PLPPR1: variants seen among roughly 807,000 people sequenced by gnomAD.
The protein encoded by PLPPR1 is phospholipid phosphatase-related protein type 1.
Under a neutral mutation model 33.1 loss-of-function variants are expected in PLPPR1, and 10 were observed. The ratio of observed to expected loss-of-function variants is 0.30; its 90% confidence interval spans 0.19 to 0.51. The LOEUF is 0.51. PLPPR1 is among the 20% of genes least tolerant of loss of function. The pLI is 0.97. For synonymous variants in PLPPR1, 151 were observed against 151.0 expected, an observed-to-expected ratio of 1.00 and a Z score of 0.00; for missense variants, 304 against 408.1, an observed-to-expected ratio of 0.74 and a Z score of 2.20.
chr9:101,310,606 GGC>G (rs1381376315), intron 5 of PLPPR1, among the ~76,000 whole-genome samples: 5 of 152,156 alleles, frequency 3.3e-5, no homozygotes, highest in African/African-American at 1.2e-4. Flanking sequence ...GTGGAAAAAA[GGC>G]AAAAACTCAT....
At chr9:101,131,065 G>A (rs1831308133) in intron 1 of PLPPR1, among the ~76,000 whole-genome samples, 1 of 152,144 alleles carries the variant, frequency 6.6e-6, no homozygotes, top group Admixed American at 6.5e-5. Flanking sequence ...CGATAAATAT[G>A]TGCTTAATGG....
At chr9:101,288,712 A>G (rs1200316326) in intron 4 of PLPPR1, among the ~76,000 whole-genome samples, 1 of 152,210 alleles carries the variant, frequency 6.6e-6, no homozygotes, top group Non-Finnish European at 1.5e-5. Context: ...ACCTCATTCT[A>G]TACCTGCTAA....
In PLPPR1 at chr9:101,182,157, G is replaced by GT. The variant is rs1404175342; in HGVS notation, c.-45-3292dup. On this transcript the variant is annotated intron_variant, in intron 1 of 7. Transcript: ENST00000374874. ...AGCTAGGAACAGAAAGACAAATACC[G>GT]TATGATTTCACTTACATGTGGAATC... is the stretch of plus-strand genomic sequence containing the variant. Among the ~76,000 whole-genome samples the GT allele has an allele frequency of 4.0e-5, 6 of 151,586 alleles. No individual in the cohort carries two copies. The East Asian group carries it at 1.2e-3, about 29-fold the overall frequency.
At chr9:101,169,522 A>T (rs1215411492) in intron 1 of PLPPR1, among the ~76,000 whole-genome samples, 3 of 152,148 alleles carry the variant, frequency 2.0e-5, no homozygotes, top group Non-Finnish European at 4.4e-5. Flanking sequence ...TTTTGACATT[A>T]TCATGCTTTC....
At chr9:101,053,139 A>T (rs991083761) in intron 1 of PLPPR1, among the ~76,000 whole-genome samples, 2 of 152,222 alleles carry the variant, frequency 1.3e-5, no homozygotes. Context: ...TACCTAAAAC[A>T]GAACATGTAA....
At chr9:101,299,655 G>C (rs917178287) in intron 4 of PLPPR1, among the ~76,000 whole-genome samples, 4 of 152,164 alleles carry the variant, frequency 2.6e-5, no homozygotes, top group African/African-American at 9.7e-5. Context: ...CTAGTGTTGA[G>C]AGGCTGGACT....
chr9:101,132,678 C>T (rs1399976002), intron 1 of PLPPR1, among the ~76,000 whole-genome samples: 1 of 152,096 alleles, frequency 6.6e-6, no homozygotes, highest in Non-Finnish European at 1.5e-5. Context: ...TATGATGTGT[C>T]AGTGTAAGTT....
chr9:101,226,642 T>C (rs1292965941), intron 2 of PLPPR1, among the ~76,000 whole-genome samples: 2 of 152,060 alleles, frequency 1.3e-5, no homozygotes, highest in Non-Finnish European at 2.9e-5. Flanking sequence ...ACTAATCCCA[T>C]TTATGAGGGC....
At chr9:101,176,414 C>A (rs910330233) in intron 1 of PLPPR1, among the ~76,000 whole-genome samples, 1 of 152,180 alleles carries the variant, frequency 6.6e-6, no homozygotes, top group African/African-American at 2.4e-5. Flanking sequence ...CCTACTCCAA[C>A]AGGCAGTAAT....
At chr9:101,042,631 A>G (rs1384290106) in intron 1 of PLPPR1, among the ~76,000 whole-genome samples, 1 of 152,132 alleles carries the variant, frequency 6.6e-6, no homozygotes, top group Non-Finnish European at 1.5e-5. Flanking sequence ...TTTTTCTTCA[A>G]AAAAAATTCT....
chr9:101,300,418 G>A (rs976314466), intron 4 of PLPPR1, among the ~76,000 whole-genome samples: 1 of 152,172 alleles, frequency 6.6e-6, no homozygotes, highest in Non-Finnish European at 1.5e-5. Context: ...GGATCCTCCA[G>A]CCTCAGCCTT....
At chr9:101,087,213 A>T (rs1830689699) in intron 1 of PLPPR1, among the ~76,000 whole-genome samples, 1 of 151,980 alleles carries the variant, frequency 6.6e-6, no homozygotes, top group South Asian at 2.1e-4. Flanking sequence ...AAATAAAAAA[A>T]ATTGAGATTA....
intron 2 of PLPPR1, among the ~76,000 whole-genome samples, chr9:101,207,855 T>TAA (rs1042285917): frequency 5.3e-5 from 8 of 152,116 alleles, no homozygotes; most frequent in African/African-American, 1.9e-4. Flanking sequence ...GAGAACTAGG[T>TAA]AAACAGGACC....
intron 2 of PLPPR1, among the ~76,000 whole-genome samples, chr9:101,189,878 T>C (rs1242078777): frequency 1.3e-5 from 2 of 151,946 alleles, no homozygotes; most frequent in South Asian, 4.1e-4. Context: ...ATTGTCCTAT[T>C]ATCTGAAAAT....
At chr9:101,077,804 C>T (rs1339846652) in intron 1 of PLPPR1, among the ~76,000 whole-genome samples, 1 of 152,040 alleles carries the variant, frequency 6.6e-6, no homozygotes, top group African/African-American at 2.4e-5. Flanking sequence ...AGGCGGCTCC[C>T]TTAGAAAGGG....
Position 101,171,942 on chromosome 9 carries a change from G to A in PLPPR1, c.-45-13508G>A, listed in dbSNP as rs775234952. ...TTTGGGATCATGGCTTGCTCTGAGT[G>A]TTGGGGAATATGATGAAATGTAACT... On this transcript the variant is annotated intron_variant, in intron 1 of 7. Transcript: ENST00000374874. Among the ~76,000 whole-genome samples, 79 of 151,692 alleles carry A rather than the reference G, an allele frequency of 5.2e-4. 1 individual carries two copies. The highest frequency in any genetic ancestry group is 1.8e-4 in the Non-Finnish European group (12 of 67,930).
At chr9:101,107,607 T>A (rs1274716928) in intron 1 of PLPPR1, among the ~76,000 whole-genome samples, 1 of 78,068 alleles carries the variant, frequency 1.3e-5, no homozygotes, top group Non-Finnish European at 2.5e-5. Context: ...TTTTTGTTTG[T>A]CTGTGCCCTG....
intron 4 of PLPPR1, among the ~76,000 whole-genome samples, chr9:101,307,785 T>A (rs1183486348): frequency 2.0e-5 from 3 of 152,226 alleles, no homozygotes; most frequent in African/African-American, 7.2e-5. Flanking sequence ...TGGGTAGACA[T>A]TTAGTTGAAA....
intron 1 of PLPPR1, among the ~76,000 whole-genome samples, chr9:101,038,486 A>G (rs1440422379): frequency 6.6e-6 from 1 of 152,168 alleles, no homozygotes; most frequent in Non-Finnish European, 1.5e-5. Flanking sequence ...GATTCACAGA[A>G]TTGCTTGAAG....
Sources: allele counts gnomAD v4.1 joint callset (sites outside exome capture counted in the v4.1 genomes callset), GRCh38; gene constraint gnomAD v4.1.1; transcripts MANE v1.5; gene names NCBI Gene and HGNC (gene_info 2026-07-23, HGNC 2026-07-21).